Variants in ADGRV1 observed in about 807,000 individuals in gnomAD.
ADGRV1 encodes adhesion G protein-coupled receptor V1.
A neutral mutation model predicts 596.2 loss-of-function variants in ADGRV1; 359 were observed. The ratio of observed to expected loss-of-function variants is 0.60; its 90% CI spans 0.55 to 0.66. The LOEUF is 0.66. ADGRV1 is among the 30% of genes least tolerant of loss of function. The probability of loss-of-function intolerance (pLI) is 0.00; values close to 1 mark genes in which losing one functional copy is unlikely to be tolerated. For synonymous variants in ADGRV1, 2,681 were observed against 2,679.2 expected (o/e 1.00, Z -0.02); for missense variants, 7,274 against 7,575.6 (o/e 0.96, Z 1.48).
intron 7 of ADGRV1, 117 bp downstream of exon 7, chr5:90,627,893 A>G (rs1398643545): frequency 1.0e-5 from 5 of 488,578 alleles, no homozygotes; most frequent in Non-Finnish European, 1.7e-5. Flanking sequence ...TTTTCCCACA[A>G]AGTTTCATGA....
At chr5:90,671,108 A>T (rs767802148) in intron 21 of ADGRV1, among the ~76,000 whole-genome samples, 5 of 152,226 alleles carry the variant, frequency 3.3e-5, no homozygotes, top group Non-Finnish European at 5.9e-5. Context: ...GCTTAAGGAC[A>T]GCTTCTTGGA....
At chr5:90,888,267 ACT>A (rs1380232609) in intron 83 of ADGRV1, among the ~76,000 whole-genome samples, 1 of 151,926 alleles carries the variant, frequency 6.6e-6, no homozygotes, top group Non-Finnish European at 1.5e-5. Context: ...CTACCATATA[ACT>A]CTGTGATAGC....
chr5:90,985,710 G>A (rs1780434126), intron 85 of ADGRV1, among the ~76,000 whole-genome samples, 188 bp downstream of exon 85: 1 of 152,170 alleles, frequency 6.6e-6, no homozygotes, highest in Admixed American at 6.6e-5. Flanking sequence ...TTTGGTAGAT[G>A]CAGTTTTCTC....
intron 85 of ADGRV1, among the ~76,000 whole-genome samples, chr5:91,053,492 T>G (rs556762228): frequency 5.1e-4 from 78 of 152,320 alleles, no homozygotes; most frequent in African/African-American, 1.8e-3. Flanking sequence ...CAAGCCCTGC[T>G]TCCCTTTTTA....
intron 9 of ADGRV1, among the ~76,000 whole-genome samples, chr5:90,633,096 G>C (rs980827292): frequency 4.6e-5 from 7 of 152,110 alleles, no homozygotes; most frequent in African/African-American, 1.7e-4. Context: ...TGGCAAGCAT[G>C]GGGTTACTAA....
intron 85 of ADGRV1, among the ~76,000 whole-genome samples, chr5:90,993,493 A>G (rs1031421348): frequency 1.3e-5 from 2 of 152,074 alleles, no homozygotes; most frequent in South Asian, 2.1e-4. Context: ...CAGTTATTTT[A>G]TAGAATAACT....
At chr5:90,649,427 T>C (rs1250243745) in intron 17 of ADGRV1, among the ~76,000 whole-genome samples, 1 of 152,122 alleles carries the variant, frequency 6.6e-6, no homozygotes. Context: ...AAAACGCCAA[T>C]ATGGTTAAAT....
intron 85 of ADGRV1, among the ~76,000 whole-genome samples, chr5:91,014,136 C>CACACACACACACACACGCACA (rs1782962720): frequency 5.6e-5 from 2 of 35,638 alleles, no homozygotes; most frequent in African/African-American, 1.8e-4. Flanking sequence ...TTCACAATTG[C>CACACACACACACACACGCACA]CACACACACA....
intron 87 of ADGRV1, among the ~76,000 whole-genome samples, chr5:91,145,301 C>T (rs1266929360): frequency 6.6e-6 from 1 of 152,226 alleles, no homozygotes; most frequent in African/African-American, 2.4e-5. Flanking sequence ...GGAGAATACA[C>T]TGTTTTAACA....
chr5:90,692,346 T>G (rs1251094385), intron 31 of ADGRV1, among the ~76,000 whole-genome samples: 1 of 152,180 alleles, frequency 6.6e-6, no homozygotes, highest in Non-Finnish European at 1.5e-5. Context: ...AGTCACATGA[T>G]TATATAACAA....
chr5:90,905,479 A>T (rs1772233397), intron 83 of ADGRV1, among the ~76,000 whole-genome samples: 1 of 151,956 alleles, frequency 6.6e-6, no homozygotes, highest in Non-Finnish European at 1.5e-5. Context: ...TAAGTATTTA[A>T]TTTTATTTGT....
chr5:90,679,547 A>C lies in ADGRV1; in HGVS notation c.5444-2A>C, dbSNP rs1744668942. The C allele has an allele frequency of 6.2e-7, 1 of 1,610,904 alleles. No homozygotes were observed. Among genetic ancestry groups the C allele is most frequent in the African/African-American group, 1.3e-5 (1 of 74,866 alleles). On this transcript the variant is annotated splice_acceptor_variant, in intron 25 of 89. Coordinates refer to ENST00000405460, the MANE Select transcript of ADGRV1 (RefSeq NM_032119.4). LOFTEE classifies it high-confidence loss of function. ...GTTGTGTCTCTGTGTCTCCTTGTGA[A>C]GTAGCTGAACTCTTTAGGGTTGATG... is the stretch of plus-strand genomic sequence containing the variant.
intron 87 of ADGRV1, among the ~76,000 whole-genome samples, chr5:91,138,237 G>GGA (rs1554234837): frequency 1.4e-5 from 2 of 141,148 alleles, no homozygotes; most frequent in African/African-American, 2.6e-5. Context: ...ATGGGTTGGA[G>GGA]AAAAAAAAAA....
intron 83 of ADGRV1, among the ~76,000 whole-genome samples, chr5:90,914,900 T>A (rs1431765583): frequency 6.6e-6 from 1 of 152,190 alleles, no homozygotes. Flanking sequence ...AAGTAACCAC[T>A]GGAGCATTTA....
intron 59 of ADGRV1, among the ~76,000 whole-genome samples, chr5:90,767,126 A>G (rs6452909): frequency 0.038 from 5,726 of 152,300 alleles, 380 homozygotes; most frequent in African/African-American, 0.13. Context: ...AGCAACTCAC[A>G]AAGAAGAATA....
chr5:90,754,166 T>G (rs1351339312), intron 54 of ADGRV1, among the ~76,000 whole-genome samples: 1 of 152,184 alleles, frequency 6.6e-6, no homozygotes, highest in Non-Finnish European at 1.5e-5. Context: ...TTTCTATAGA[T>G]TTTCACTAGT....
intron 83 of ADGRV1, among the ~76,000 whole-genome samples, chr5:90,925,016 G>C (rs1444059876): frequency 1.3e-5 from 2 of 151,286 alleles, no homozygotes; most frequent in African/African-American, 4.8e-5. Context: ...CCAGTACCAT[G>C]CTGTTTTGGT....
chr5:91,018,766 T>C (rs1409488007), intron 85 of ADGRV1, among the ~76,000 whole-genome samples: 1 of 152,040 alleles, frequency 6.6e-6, no homozygotes, highest in Admixed American at 6.6e-5. Context: ...TTAGGATTCA[T>C]GCTAATACAA....
At chr5:91,049,625 A>G (rs2151302535) in intron 85 of ADGRV1, among the ~76,000 whole-genome samples, 1 of 152,368 alleles carries the variant, frequency 6.6e-6, no homozygotes, top group Non-Finnish European at 1.5e-5. Flanking sequence ...AATTCTGGAT[A>G]GCTTGTGTTT....
Sources: allele counts gnomAD v4.1 joint callset (sites outside exome capture counted in the v4.1 genomes callset), GRCh38; gene constraint gnomAD v4.1.1; transcripts MANE v1.5; gene names NCBI Gene and HGNC (gene_info 2026-07-23, HGNC 2026-07-21).